CTNNA2: variants seen among roughly 807,000 people sequenced by gnomAD.
The protein encoded by CTNNA2 is catenin alpha 2.
In CTNNA2, 42 loss-of-function variants were observed where a neutral mutation model predicts 101.0. The ratio of observed to expected loss-of-function variants is 0.42; its 90% CI spans 0.32 to 0.54. The LOEUF is 0.54. Among genes scored for constraint, CTNNA2 ranks in the 20% least tolerant of loss-of-function variants. CTNNA2 has a pLI of 0.14. For synonymous variants in CTNNA2, 450 were observed against 456.4 expected, an observed-to-expected ratio of 0.99 and a Z score of 0.18; for missense variants, 871 against 1,223.1, an observed-to-expected ratio of 0.71 and a Z score of 4.29.
intron 4 of CTNNA2, among the ~76,000 whole-genome samples, chr2:79,480,772 T>G (rs1042109660): frequency 6.6e-6 from 1 of 152,180 alleles, no homozygotes; most frequent in African/African-American, 2.4e-5. Context: ...ATATAATCTC[T>G]TTGAATGCAG....
intron 2 of CTNNA2, among the ~76,000 whole-genome samples, chr2:79,228,109 T>C (rs936139784): frequency 6.6e-6 from 1 of 152,254 alleles, no homozygotes. Context: ...TGTATTGTAT[T>C]ACACGGTTTA....
At chr2:79,430,162 A>T (rs1678643832) in intron 4 of CTNNA2, among the ~76,000 whole-genome samples, 1 of 152,076 alleles carries the variant, frequency 6.6e-6, no homozygotes, top group Admixed American at 6.6e-5. Context: ...TAGTCCTATA[A>T]GTCATGGTCT....
chr2:80,644,227 G>A (rs949511996), intron 18 of CTNNA2, among the ~76,000 whole-genome samples: 4 of 152,022 alleles, frequency 2.6e-5, no homozygotes, highest in African/African-American at 9.7e-5. Flanking sequence ...CTTATTAAAT[G>A]GGGAGTAATA....
intron 7 of CTNNA2, among the ~76,000 whole-genome samples, chr2:79,910,242 G>A (rs1210168233): frequency 6.6e-6 from 1 of 152,314 alleles, no homozygotes. Flanking sequence ...TTTAAAAAAC[G>A]TGTGGATAGG....
rs141781604 is a variant in CTNNA2 at position 79,699,506 on chromosome 2, A to G, written c.103-44881A>G. On this transcript the variant is annotated intron_variant, in intron 2 of 18. Coordinates refer to ENST00000402739, the MANE Select transcript of CTNNA2 (RefSeq NM_001282597.3). ...CTTAAATTCAAGGCCAAAAGTCTCT[A>G]TATAAAAATTATGCAAAGATCCATA... Among the ~76,000 whole-genome samples the G allele has an allele frequency of 9.6e-3, 1,455 of 152,138 alleles. 23 individuals carry two copies. Among genetic ancestry groups the G allele is most frequent in the African/African-American group, 0.032 (1,341 of 41,526 alleles).
intron 3 of CTNNA2, among the ~76,000 whole-genome samples, chr2:79,810,364 GACTACT>G (rs968545538): frequency 2.6e-5 from 4 of 151,934 alleles, no homozygotes; most frequent in Non-Finnish European, 5.9e-5. Flanking sequence ...GAGACTTATT[GACTACT>G]ACTAGGAGAA....
At chr2:79,666,204 G>GA (rs1558817830) in intron 2 of CTNNA2, among the ~76,000 whole-genome samples, 2 of 151,806 alleles carry the variant, frequency 1.3e-5, no homozygotes, top group East Asian at 3.9e-4. Context: ...TTCTTTCCCA[G>GA]AAAAAAACAG....
chr2:79,861,648 GTA>G (rs991290538), intron 4 of CTNNA2, among the ~76,000 whole-genome samples: 48 of 152,298 alleles, frequency 3.2e-4, no homozygotes, highest in African/African-American at 1.1e-3. Context: ...TATCATGCAA[GTA>G]TTTGTGGTAC....
chr2:80,383,188 A>C (rs1676674927), intron 7 of CTNNA2, among the ~76,000 whole-genome samples: 1 of 152,208 alleles, frequency 6.6e-6, no homozygotes, highest in Non-Finnish European at 1.5e-5. Flanking sequence ...TGATAAAATA[A>C]ATCAAGGAAC....
intron 4 of CTNNA2, among the ~76,000 whole-genome samples, chr2:79,479,141 T>G (rs1374911664): frequency 6.6e-6 from 1 of 152,222 alleles, no homozygotes. Context: ...TTCCTGAAGT[T>G]CACTGAGAAA....
chr2:79,693,571 T>A (rs1415871534), intron 2 of CTNNA2, among the ~76,000 whole-genome samples: 1 of 151,410 alleles, frequency 6.6e-6, no homozygotes, highest in Non-Finnish European at 1.5e-5. Flanking sequence ...TAAGAAAGAG[T>A]GGGAAAATCA....
chr2:79,189,883 A>G (rs1353384744), intron 1 of CTNNA2, among the ~76,000 whole-genome samples: 2 of 152,174 alleles, frequency 1.3e-5, no homozygotes, highest in Non-Finnish European at 2.9e-5. Flanking sequence ...ATATTTTACA[A>G]TAAAGAATTT....
intron 2 of CTNNA2, among the ~76,000 whole-genome samples, chr2:79,245,950 C>G (rs555633239): frequency 2.6e-5 from 4 of 152,310 alleles, no homozygotes; most frequent in Non-Finnish European, 5.9e-5. Context: ...AGAGAGGCCA[C>G]CAAACCCAGC....
chr2:79,778,681 T>G (rs978744482), intron 3 of CTNNA2, among the ~76,000 whole-genome samples: 2 of 152,218 alleles, frequency 1.3e-5, no homozygotes, highest in African/African-American at 4.8e-5. Context: ...TTTAAGATAA[T>G]TGCATCCATG....
At chr2:79,844,712 T>C (rs1359487680) in intron 3 of CTNNA2, among the ~76,000 whole-genome samples, 1 of 152,130 alleles carries the variant, frequency 6.6e-6, no homozygotes, top group Non-Finnish European at 1.5e-5. Context: ...GGTCTTAATG[T>C]TAGGAGGTTA....
At chr2:79,611,609 G>C (rs903889643) in intron 1 of CTNNA2, among the ~76,000 whole-genome samples, 1 of 152,016 alleles carries the variant, frequency 6.6e-6, no homozygotes, top group African/African-American at 2.4e-5. Context: ...TCTGTGCAGA[G>C]GAATGTTTAA....
intron 3 of CTNNA2, among the ~76,000 whole-genome samples, chr2:79,829,406 CACACACACAGACACAA>C (rs1243176946): frequency 2.3e-4 from 30 of 129,980 alleles, no homozygotes; most frequent in African/African-American, 7.3e-4. Context: ...CACACACACA[CACACACACAGACACAA>C]AGCCGGGCGA....
At chr2:80,538,708 G>C (rs75314619) in intron 9 of CTNNA2, among the ~76,000 whole-genome samples, 10,356 of 152,138 alleles carry the variant, frequency 0.068, 851 homozygotes, top group African/African-American at 0.19. Context: ...GGCTATACAG[G>C]CTCTTTTTTG....
chr2:80,369,037 C>T (rs1046835624), intron 7 of CTNNA2, among the ~76,000 whole-genome samples: 3 of 151,810 alleles, frequency 2.0e-5, no homozygotes, highest in Admixed American at 2.0e-4. Context: ...TTAGTCAGCT[C>T]AGAGCAATAC....
Sources: gnomAD v4.1 joint callset for allele counts (sites outside exome capture counted in the v4.1 genomes callset) on GRCh38, gnomAD v4.1.1 for gene constraint, MANE v1.5 for transcripts, NCBI Gene and HGNC (gene_info 2026-07-23, HGNC 2026-07-21) for gene names.